PLEKHB1: variants seen among roughly 807,000 people sequenced by gnomAD.
The protein encoded by PLEKHB1 is pleckstrin homology domain-containing family B member 1.
A neutral mutation model predicts 36.2 loss-of-function variants in PLEKHB1; 29 were observed. That is an observed-to-expected ratio of 0.80 (90% CI 0.60 to 1.09). The LOEUF is 1.09. Ranked by LOEUF, PLEKHB1 falls within the 50% of genes least tolerant of loss-of-function variation. The pLI is 0.00. For missense variants in PLEKHB1, 330 were observed against 348.2 expected (o/e 0.95, Z 0.42); for synonymous variants, 138 against 140.0 (o/e 0.99, Z 0.10).
Position 73,646,591 on chromosome 11 carries a change from C to T in PLEKHB1, c.-18C>T. 2.6e-6 allele frequency: 4 copies of T among 1,551,554 alleles called. No individual in the cohort carries two copies. Among genetic ancestry groups the T allele is most frequent in the Non-Finnish European group, 3.5e-6 (4 of 1,146,970 alleles). Reference sequence around the variant, plus strand: ...GCGGGAGCCTTCTGGGAAATGCTGCCCTGGCCACCCAGGAACCATGAGCCC... The same window carrying T: ...GCGGGAGCCTTCTGGGAAATGCTGCTCTGGCCACCCAGGAACCATGAGCCC... On this transcript the variant is annotated 5_prime_UTR_variant, in exon 1 of 8. Transcript: ENST00000354190.
At chr11:73,648,809 T>G in intron 1 of PLEKHB1, 3 of 660,956 alleles carry the variant, frequency 4.5e-6, no homozygotes, top group East Asian at 1.1e-4. Flanking sequence ...CCCACACCAA[T>G]GGCTGCCCTG....
chr11:73,660,866 G>C lies in PLEKHB1; in HGVS notation c.595+14G>C. The C allele has an allele frequency of 1.3e-6, 2 of 1,569,308 alleles. No homozygotes were observed. Among genetic ancestry groups the C allele is most frequent in the Non-Finnish European group, 1.7e-6 (2 of 1,158,524 alleles). Reference sequence around the variant, plus strand: ...CGCCCTACGCAGGTAAGTCTCCAGCGTGCCCCGGGGCTTGCCTCGATCCAG... The same window carrying C: ...CGCCCTACGCAGGTAAGTCTCCAGCCTGCCCCGGGGCTTGCCTCGATCCAG... On this transcript the variant is annotated intron_variant, in intron 7 of 7. Transcript: ENST00000354190.
intron 1 of PLEKHB1, 77 bp downstream of exon 1, chr11:73,646,703 G>T: frequency 1.3e-6 from 2 of 1,492,814 alleles, no homozygotes; most frequent in South Asian, 1.2e-5. Context: ...GGACGGGACA[G>T]AAGTCTTTTA....
Position 73,648,751 on chromosome 11 carries a change from A to T in PLEKHB1, c.19-261A>T, listed in dbSNP as rs1199906996. 2.4e-6 allele frequency: 3 copies of T among 1,239,768 alleles called. No individual in the cohort carries two copies. In the African/African-American group the frequency reaches 4.7e-5, roughly 19 times the overall value. The allele number at this position is 1,239,768 out of a possible 1,614,324, so 76.8% of individuals were successfully genotyped here. On this transcript the variant is annotated intron_variant, in intron 1 of 7. Transcript: ENST00000354190. ...GGCCAGGGAGGAGGGATATGGCCAA[A>T]GTTACCAAGCTGAGGCTGGAATCCA...
chr11:73,650,598 T>G lies in PLEKHB1; in HGVS notation c.140T>G (p.Leu47Arg), dbSNP rs762752446. Reference sequence around the variant, plus strand: ...AAGCGGAACTGGTTTGCCCTGTGGCTGGACGGGACCCTGGGATACTACCAC... The same window carrying G: ...AAGCGGAACTGGTTTGCCCTGTGGCGGGACGGGACCCTGGGATACTACCAC... ...RWKRNWFALW[L>R]DGTLGYYHDE... is the part of the protein sequence containing the mutation. The change falls in exon 3 of 8, where the codon CTG (leucine) becomes CGG (arginine). Residue 47 changes from leucine to arginine, a missense_variant. Physicochemically the swap from Leu to Arg is moderately radical, Grantham distance 102. Coordinates refer to ENST00000354190, the MANE Select transcript of PLEKHB1 (RefSeq NM_021200.3). 1.9e-6 allele frequency: 3 copies of G among 1,613,356 alleles called. No homozygotes were observed. The highest frequency in any genetic ancestry group is 3.3e-5 in the Admixed American group (2 of 59,942).
chr11:73,653,589 C>T (rs1944940072), intron 5 of PLEKHB1: 1 of 391,594 alleles, frequency 2.6e-6, no homozygotes, highest in Admixed American at 2.9e-5. Context: ...CAGTGTCTGG[C>T]CCTTTCATCC....
chr11:73,658,843 C>T (rs549373584), intron 6 of PLEKHB1, among the ~76,000 whole-genome samples: 1 of 152,258 alleles, frequency 6.6e-6, no homozygotes, highest in African/African-American at 2.4e-5. Context: ...TCTTGAACTC[C>T]TGCATTCAAG....
rs6590 is a variant in PLEKHB1 at position 73,662,507 on chromosome 11, G to A, written c.*905G>A. 13,935 of 152,528 alleles carry A rather than the reference G, an allele frequency of 0.091. 778 individuals carry two copies. The highest frequency in any genetic ancestry group is 0.27 in the South Asian group (1,324 of 4,828). 9.4% of individuals were successfully genotyped at this position (152,528 alleles called of 1,614,324 possible). A position where few individuals can be genotyped will look rare whatever the true frequency, so the allele number is the denominator to read the frequency against. ...ACACCAGGAGCTCGGCCCTCTCTTT[G>A]TAGCTGTGACTGTCACCCTCTCAGG... is the stretch of plus-strand genomic sequence containing the variant. On this transcript the variant is annotated 3_prime_UTR_variant, in exon 8 of 8. Transcript: ENST00000354190.
intron 4 of PLEKHB1, 133 bp from the exon 5 acceptor site, chr11:73,652,842 G>T: frequency 1.4e-6 from 1 of 703,100 alleles, no homozygotes; most frequent in Non-Finnish European, 2.4e-6. Flanking sequence ...CTTCCTGAGG[G>T]AGACAAGAGA....
chr11:73,648,068 A>C, intron 1 of PLEKHB1: 1 of 805,256 alleles, frequency 1.2e-6, no homozygotes, highest in Non-Finnish European at 1.5e-6. Context: ...CCTTCCTAAC[A>C]GGGTTAGAGT....
chr11:73,652,077 A>G (rs1405364977), intron 4 of PLEKHB1, 187 bp downstream of exon 4: 12 of 602,332 alleles, frequency 2.0e-5, no homozygotes, highest in Non-Finnish European at 3.6e-5. Flanking sequence ...GCACACAGTG[A>G]ACTCCTCATG....
intron 3 of PLEKHB1, among the ~76,000 whole-genome samples, chr11:73,650,960 T>G (rs924687515): frequency 6.0e-5 from 9 of 151,118 alleles, no homozygotes; most frequent in Non-Finnish European, 5.9e-5. Context: ...GGTCAGGAGT[T>G]CTAGATCAGC....
chr11:73,647,599 C>T, intron 1 of PLEKHB1: 3 of 985,456 alleles, frequency 3.0e-6, no homozygotes, highest in Non-Finnish European at 3.6e-6. Flanking sequence ...CCGGGGGCAG[C>T]TGGGCTCTCA....
At chr11:73,657,980 T>C (rs1945027146) in intron 6 of PLEKHB1, among the ~76,000 whole-genome samples, 1 of 152,230 alleles carries the variant, frequency 6.6e-6, no homozygotes, top group African/African-American at 2.4e-5. Context: ...CTGTATTTGA[T>C]TCACTGGAAT....
intron 1 of PLEKHB1, chr11:73,648,621 T>G (rs1312928219): frequency 1.0e-6 from 1 of 999,792 alleles, no homozygotes; most frequent in Admixed American, 5.7e-5. Context: ...CTCCACCGAC[T>G]GAGCTAGTCA....
chr11:73,652,652 A>G, intron 4 of PLEKHB1: 1 of 283,142 alleles, frequency 3.5e-6, no homozygotes. Flanking sequence ...GTGGAGGGGG[A>G]CTGGGCTACA....
rs534621937 is a variant in PLEKHB1, at chr11:73,653,210, AG to A, written c.390+197del. ...AACTGGTGCTCAGAGGAGAGAGAGA[AG>A]CCTCCATGGAGATTTGCTGGAGGGA... is the stretch of plus-strand genomic sequence containing the variant. On this transcript the variant is annotated intron_variant, in intron 5 of 7. Coordinates refer to ENST00000354190, the MANE Select transcript of PLEKHB1 (RefSeq NM_021200.3). 1.6e-4 allele frequency among the ~76,000 whole-genome samples: 24 copies of A among 152,316 alleles called. No individual in the cohort carries two copies. The East Asian group carries it at 4.4e-3, about 28-fold the overall frequency.
At chr11:73,650,935 G>C (rs1053175247) in intron 3 of PLEKHB1, among the ~76,000 whole-genome samples, 1 of 151,818 alleles carries the variant, frequency 6.6e-6, no homozygotes, top group Non-Finnish European at 1.5e-5. Context: ...TGGCTGAAGC[G>C]GGCGGATCAC....
chr11:73,651,724 T>G, intron 3 of PLEKHB1, 64 bp from the exon 4 acceptor site: 2 of 1,354,820 alleles, frequency 1.5e-6, no homozygotes, highest in South Asian at 2.5e-5. Context: ...TTCCTGTCCC[T>G]GCTTTACTGG....
Sources: allele counts gnomAD v4.1 joint callset (sites outside exome capture counted in the v4.1 genomes callset), GRCh38; gene constraint gnomAD v4.1.1; transcripts MANE v1.5; gene names NCBI Gene and HGNC (gene_info 2026-07-23, HGNC 2026-07-21).